KALRN: variants seen among roughly 807,000 people sequenced by gnomAD.
KALRN encodes the protein kalirin.
KALRN carries 70 observed loss-of-function variants against 353.7 expected under a neutral mutation model. The ratio of observed to expected loss-of-function variants is 0.20; its 90% CI spans 0.16 to 0.24. The LOEUF is 0.24. Ranked by LOEUF, KALRN falls within the 10% of genes least tolerant of loss-of-function variation. KALRN has a pLI of 1.00. For synonymous variants in KALRN, 1,391 were observed against 1,434.8 expected (o/e 0.97, Z 0.69); for missense variants, 2,791 against 3,756.7 (o/e 0.74, Z 6.72).
intron 1 of KALRN, among the ~76,000 whole-genome samples, chr3:124,220,553 G>A (rs1275458908): frequency 6.6e-6 from 1 of 152,166 alleles, no homozygotes; most frequent in Non-Finnish European, 1.5e-5. Flanking sequence ...TGAAGGGAAT[G>A]AAGATCTTGC....
chr3:124,095,367 A>G (rs1302885808), intron 1 of KALRN, among the ~76,000 whole-genome samples: 1 of 152,208 alleles, frequency 6.6e-6, no homozygotes, highest in Non-Finnish European at 1.5e-5. Flanking sequence ...TTGTTTACCC[A>G]TCTATAAAAT....
chr3:124,601,288 A>G (rs2076782309), intron 34 of KALRN, among the ~76,000 whole-genome samples: 1 of 152,228 alleles, frequency 6.6e-6, no homozygotes, highest in East Asian at 1.9e-4. Context: ...TAGCTTGAGA[A>G]CAGCAACATT....
At chr3:124,688,494 C>T (rs771433445) in intron 51 of KALRN, among the ~76,000 whole-genome samples, 30 of 152,208 alleles carry the variant, frequency 2.0e-4, no homozygotes, top group Non-Finnish European at 1.5e-4. Context: ...ATCTAAAATT[C>T]CTTTCCTGCC....
intron 33 of KALRN, among the ~76,000 whole-genome samples, chr3:124,539,104 C>G (rs1167452333): frequency 6.6e-6 from 1 of 152,148 alleles, no homozygotes; most frequent in African/African-American, 2.4e-5. Context: ...AAAGATGCAA[C>G]TATGGGGATG....
intron 38 of KALRN, among the ~76,000 whole-genome samples, chr3:124,653,888 T>G (rs907051015): frequency 2.0e-5 from 3 of 152,264 alleles, no homozygotes; most frequent in Non-Finnish European, 2.9e-5. Flanking sequence ...ATTTAAATCC[T>G]TGATGTCACT....
At chr3:124,462,716 G>A (rs993683735) in intron 25 of KALRN, 83 bp downstream of exon 25, 16 of 754,252 alleles carry the variant, frequency 2.1e-5, no homozygotes, top group African/African-American at 7.0e-5. Context: ...GATCAAAGGC[G>A]ATTGGTGAAT....
chr3:124,523,556 A>G (rs1042336138), intron 33 of KALRN, among the ~76,000 whole-genome samples: 1 of 152,248 alleles, frequency 6.6e-6, no homozygotes, highest in Non-Finnish European at 1.5e-5. Context: ...CATTTTGATT[A>G]TATGTACCAT....
At chr3:124,604,878 G>A (rs1394778679) in intron 34 of KALRN, among the ~76,000 whole-genome samples, 2 of 151,946 alleles carry the variant, frequency 1.3e-5, no homozygotes, top group African/African-American at 2.4e-5. Context: ...AAATTAGGCC[G>A]GGTGCAGTAG....
chr3:124,611,298 G>A (rs556570487), intron 34 of KALRN, among the ~76,000 whole-genome samples: 2 of 152,296 alleles, frequency 1.3e-5, no homozygotes, highest in South Asian at 4.1e-4. Context: ...ACCTAAAACT[G>A]TGTCAACACA....
intron 5 of KALRN, among the ~76,000 whole-genome samples, chr3:124,286,143 T>TCTTTCTTTC (rs2075873815): frequency 7.0e-6 from 1 of 142,286 alleles, no homozygotes; most frequent in African/African-American, 2.6e-5. Flanking sequence ...TTCTTTCCTT[T>TCTTTCTTTC]CTTTCTTTCC....
chr3:124,113,650 G>A (rs997534841), intron 1 of KALRN, among the ~76,000 whole-genome samples: 5 of 152,146 alleles, frequency 3.3e-5, no homozygotes, highest in South Asian at 4.1e-4. Flanking sequence ...TTAAGGCCCC[G>A]CCTCCTCACC....
chr3:124,686,232 T>C (rs2061551918), intron 51 of KALRN, among the ~76,000 whole-genome samples: 1 of 152,252 alleles, frequency 6.6e-6, no homozygotes, highest in Non-Finnish European at 1.5e-5. Flanking sequence ...ACTCAGGCAC[T>C]GGGCTCACAA....
At chr3:124,587,258 C>G (rs1287649568) in intron 34 of KALRN, among the ~76,000 whole-genome samples, 1 of 152,216 alleles carries the variant, frequency 6.6e-6, no homozygotes, top group African/African-American at 2.4e-5. Flanking sequence ...TGGTCTCTAT[C>G]CCTTCTCTCT....
In KALRN at chr3:124,623,930, A is replaced by G. The variant is rs116308540; in HGVS notation, c.5183-8490A>G. On this transcript the variant is annotated intron_variant, in intron 34 of 59. Transcript: ENST00000682506. ...TTTGTCTTCAGTTGAAGCAGGTAGC[A>G]CTTATGTGTGTTGCATGGAAACATG... 2.4e-3 allele frequency among the ~76,000 whole-genome samples: 364 copies of G among 152,348 alleles called. 1 individual carries two copies. Among genetic ancestry groups the G allele is most frequent in the African/African-American group, 8.0e-3 (333 of 41,584 alleles).
At chr3:124,200,421 T>C (rs1390365810) in intron 1 of KALRN, among the ~76,000 whole-genome samples, 1 of 152,196 alleles carries the variant, frequency 6.6e-6, no homozygotes, top group Non-Finnish European at 1.5e-5. Flanking sequence ...ATGTTCCTCA[T>C]GAATAATGCC....
chr3:124,679,525 C>T lies in KALRN; in HGVS notation c.7377+8C>T, dbSNP rs768975267. On this transcript the variant is annotated splice_region_variant and intron_variant, in intron 51 of 59. Transcript: ENST00000682506. ...CCTAATACTAGCATGGAGGTAGAAG[C>T]AGCTATTGTTGTCCTATTTCCTACA... The T allele has an allele frequency of 1.9e-6, 3 of 1,610,932 alleles. No individual in the cohort carries two copies. Among genetic ancestry groups the T allele is most frequent in the Non-Finnish European group, 2.5e-6 (3 of 1,177,012 alleles).
At chr3:124,277,343 A>C (rs1455572675) in intron 5 of KALRN, among the ~76,000 whole-genome samples, 1 of 151,968 alleles carries the variant, frequency 6.6e-6, no homozygotes, top group East Asian at 1.9e-4. Context: ...CCCCTCTCCT[A>C]CTGAGACCTT....
At chr3:124,573,668 T>A in intron 34 of KALRN, among the ~76,000 whole-genome samples, 1 of 152,184 alleles carries the variant, frequency 6.6e-6, no homozygotes, top group East Asian at 1.9e-4. Context: ...TGTGCCTCCA[T>A]AGGTTTTCAG....
At chr3:124,698,821 A>G (rs1453175127) in intron 55 of KALRN, among the ~76,000 whole-genome samples, 1 of 152,230 alleles carries the variant, frequency 6.6e-6, no homozygotes, top group Non-Finnish European at 1.5e-5. Context: ...TGTTACATTT[A>G]CATGCTAAAA....
Sources: gnomAD v4.1 joint callset for allele counts (sites outside exome capture counted in the v4.1 genomes callset) on GRCh38, gnomAD v4.1.1 for gene constraint, MANE v1.5 for transcripts, NCBI Gene and HGNC (gene_info 2026-07-23, HGNC 2026-07-21) for gene names.